The following SYN3 variants were observed in gnomAD, a reference collection of about 807,000 sequenced individuals.
SYN3 encodes synapsin III.
A neutral mutation model predicts 65.8 loss-of-function variants in SYN3; 35 were observed. The ratio of observed to expected loss-of-function variants is 0.53; its 90% CI spans 0.41 to 0.70. The LOEUF (loss-of-function observed/expected upper bound fraction) is 0.70, where lower values mean the gene tolerates loss of function less well. SYN3 is among the 30% of genes least tolerant of loss of function. SYN3 has a pLI of 0.00. For missense variants in SYN3, 680 were observed against 749.0 expected (o/e 0.91, Z 1.08); for synonymous variants, 270 against 292.9 (o/e 0.92, Z 0.80).
intron 1 of SYN3, among the ~76,000 whole-genome samples, chr22:33,044,103 A>G (rs1026619291): frequency 3.9e-5 from 6 of 152,170 alleles, no homozygotes; most frequent in African/African-American, 1.4e-4. Flanking sequence ...TGAGGATGCA[A>G]CAACCTAGCA....
chr22:32,708,835 C>G (rs2060915490), intron 6 of SYN3, among the ~76,000 whole-genome samples: 1 of 152,226 alleles, frequency 6.6e-6, no homozygotes, highest in African/African-American at 2.4e-5. Flanking sequence ...TCAGTTACCC[C>G]TCACGGGGCC....
Position 32,743,536 on chromosome 22 carries a change from C to G in SYN3, c.711+121379G>C, listed in dbSNP as rs148675324. Among the ~76,000 whole-genome samples, 83 of 152,268 alleles carry G rather than the reference C, an allele frequency of 5.5e-4. 1 individual carries two copies. The South Asian group carries it at 8.7e-3, about 16-fold the overall frequency. On this transcript the variant is annotated intron_variant, in intron 6 of 13. Transcript: ENST00000358763. ...AAGGCTGAGACAACCGTCCATGCTGCCTGCTGCCCACCTGCTTGGGAAGAG... is the reference window on the plus strand; with the variant it reads ...AAGGCTGAGACAACCGTCCATGCTGGCTGCTGCCCACCTGCTTGGGAAGAG...
intron 3 of SYN3, among the ~76,000 whole-genome samples, chr22:32,968,655 G>C (rs192242304): frequency 1.4e-4 from 21 of 152,240 alleles, no homozygotes; most frequent in Admixed American, 1.2e-3. Context: ...ATGCTCTTTA[G>C]CTAGAAGGCC....
At chr22:32,698,494 C>A (rs1018358947) in intron 6 of SYN3, among the ~76,000 whole-genome samples, 1 of 152,174 alleles carries the variant, frequency 6.6e-6, no homozygotes, top group Non-Finnish European at 1.5e-5. Context: ...ATGTGGAAGC[C>A]CCACATTCCA....
chr22:32,705,157 C>T (rs1601946420), intron 6 of SYN3, among the ~76,000 whole-genome samples: 1 of 152,236 alleles, frequency 6.6e-6, no homozygotes, highest in East Asian at 1.9e-4. Flanking sequence ...GTATTGCCTC[C>T]ATTGTCTTCC....
intron 6 of SYN3, among the ~76,000 whole-genome samples, chr22:32,786,662 C>G (rs1351294088): frequency 6.6e-6 from 1 of 152,070 alleles, no homozygotes; most frequent in East Asian, 1.9e-4. Context: ...ACGCCCGGCC[C>G]TGCAACTTAT....
chr22:32,774,874 G>C (rs1418511161), intron 6 of SYN3, among the ~76,000 whole-genome samples: 2 of 152,176 alleles, frequency 1.3e-5, no homozygotes, highest in African/African-American at 4.8e-5. Flanking sequence ...TAAATGAGCA[G>C]AGTGTTTAGA....
Position 32,913,044 on chromosome 22 carries a change from G to A in SYN3, c.461+18346C>T, listed in dbSNP as rs549697779. 2.0e-4 allele frequency among the ~76,000 whole-genome samples: 31 copies of A among 152,196 alleles called. No homozygotes were observed. The East Asian group carries it at 5.8e-3, about 28-fold the overall frequency. On this transcript the variant is annotated intron_variant, in intron 4 of 13. Coordinates refer to ENST00000358763, the MANE Select transcript of SYN3 (RefSeq NM_003490.4). Reference sequence around the variant, plus strand: ...TCGATTATAAAAACTATACCCCTCTGGTACAGGATAGTGAGGGAGGGAAGC... The same window carrying A: ...TCGATTATAAAAACTATACCCCTCTAGTACAGGATAGTGAGGGAGGGAAGC...
Position 32,833,012 on chromosome 22 carries a change from C to T in SYN3, c.711+31903G>A, listed in dbSNP as rs988568896. On this transcript the variant is annotated intron_variant, in intron 6 of 13. Coordinates refer to ENST00000358763, the MANE Select transcript of SYN3 (RefSeq NM_003490.4). ...CCTCCCGAAGTCCTGGGATTACAGGCGTGAGCCACCGCGCCCAGCAAGATC... is the reference window on the plus strand; with the variant it reads ...CCTCCCGAAGTCCTGGGATTACAGGTGTGAGCCACCGCGCCCAGCAAGATC... Among the ~76,000 whole-genome samples, 9 of 152,058 alleles carry T rather than the reference C, an allele frequency of 5.9e-5. No homozygotes were observed. The South Asian group carries it at 8.3e-4, about 14-fold the overall frequency.
intron 6 of SYN3, among the ~76,000 whole-genome samples, chr22:32,724,143 G>C (rs1234833229): frequency 6.6e-6 from 1 of 152,230 alleles, no homozygotes; most frequent in Non-Finnish European, 1.5e-5. Context: ...AGCAGGATAG[G>C]AAATCTAGAC....
intron 6 of SYN3, among the ~76,000 whole-genome samples, chr22:32,597,908 A>G (rs932810454): frequency 6.6e-6 from 1 of 152,140 alleles, no homozygotes; most frequent in Admixed American, 6.5e-5. Context: ...CACACACACC[A>G]TCACTTAACC....
At chr22:32,567,961 G>A (rs2058696544) in intron 7 of SYN3, among the ~76,000 whole-genome samples, 1 of 152,194 alleles carries the variant, frequency 6.6e-6, no homozygotes, top group South Asian at 2.1e-4. Flanking sequence ...GTGTTGTTTG[G>A]AGGGGGAAGC....
At chr22:32,758,820 T>C (rs2045371810) in intron 6 of SYN3, among the ~76,000 whole-genome samples, 1 of 150,922 alleles carries the variant, frequency 6.6e-6, no homozygotes, top group Non-Finnish European at 1.5e-5. Context: ...ACTTTTCACC[T>C]ATATGGTGTC....
At chr22:32,526,407 T>C (rs2057976840) in intron 12 of SYN3, among the ~76,000 whole-genome samples, 1 of 152,156 alleles carries the variant, frequency 6.6e-6, no homozygotes, top group Non-Finnish European at 1.5e-5. Context: ...GTGGCCAAGG[T>C]TGACTTTTTT....
At chr22:33,057,368 A>C (rs2054270800) in intron 1 of SYN3, among the ~76,000 whole-genome samples, 1 of 152,146 alleles carries the variant, frequency 6.6e-6, no homozygotes, top group South Asian at 2.1e-4. Context: ...GTCCTACTCC[A>C]TTATCTGCTG....
At chr22:32,976,596 A>G (rs924658501) in intron 3 of SYN3, among the ~76,000 whole-genome samples, 5 of 152,134 alleles carry the variant, frequency 3.3e-5, no homozygotes, top group South Asian at 2.1e-4. Flanking sequence ...GGAGAGTTTG[A>G]CATGCCAACC....
intron 6 of SYN3, among the ~76,000 whole-genome samples, chr22:32,815,901 G>T (rs1437822067): frequency 3.9e-5 from 6 of 152,158 alleles, no homozygotes; most frequent in African/African-American, 1.4e-4. Flanking sequence ...CTGTTCTGTG[G>T]TCTGTGGTCT....
chr22:32,870,294 G>A (rs955180949), intron 4 of SYN3, among the ~76,000 whole-genome samples: 3 of 150,010 alleles, frequency 2.0e-5, no homozygotes, highest in Non-Finnish European at 4.4e-5. Flanking sequence ...TATATAATAT[G>A]CATTCACATT....
chr22:32,852,090 C>G (rs977101368), intron 6 of SYN3, among the ~76,000 whole-genome samples: 1 of 152,226 alleles, frequency 6.6e-6, no homozygotes, highest in African/African-American at 2.4e-5. Context: ...TCTGCTAGGT[C>G]TTTGCATAGA....
Sources: gnomAD v4.1 joint callset for allele counts (sites outside exome capture counted in the v4.1 genomes callset) on GRCh38, gnomAD v4.1.1 for gene constraint, MANE v1.5 for transcripts, NCBI Gene and HGNC (gene_info 2026-07-23, HGNC 2026-07-21) for gene names.